CCDC180: variants seen among roughly 807,000 people sequenced by gnomAD.
CCDC180 encodes the protein coiled-coil domain containing 180.
A neutral mutation model predicts 209.2 loss-of-function variants in CCDC180; 154 were observed. The observed-to-expected ratio is 0.74, with a 90% confidence interval of 0.65 to 0.84. CCDC180 has a LOEUF of 0.84. Ranked by LOEUF, CCDC180 falls within the 40% of genes least tolerant of loss-of-function variation. CCDC180 has a pLI of 0.00. For missense variants in CCDC180, 1,874 were observed against 1,997.3 expected (o/e 0.94, Z 1.18); for synonymous variants, 778 against 749.1 (o/e 1.04, Z -0.63).
chr9:97,357,737 A>T lies in CCDC180; in HGVS notation c.3363+12A>T. The T allele has an allele frequency of 6.5e-7, 1 of 1,550,282 alleles. No homozygotes were observed. Among genetic ancestry groups the T allele is most frequent in the South Asian group, 1.2e-5 (1 of 86,854 alleles). ...GGGGAGAGAAAACCGTAAGTGTTCA[A>T]TAGATTCTGCATGTGAATAATAAAG... On this transcript the variant is annotated intron_variant, in intron 25 of 36. Transcript: ENST00000529487.
chr9:97,361,998 G>A (rs112943251), intron 27 of CCDC180, 100 bp downstream of exon 27: 18 of 1,421,968 alleles, frequency 1.3e-5, no homozygotes, highest in African/African-American at 2.9e-5. Flanking sequence ...GGGTTCCCAC[G>A]TGAGTCCACC....
chr9:97,371,317 T>C (rs1477656802), intron 33 of CCDC180: 1 of 275,992 alleles, frequency 3.6e-6, no homozygotes, highest in Admixed American at 4.8e-5. Flanking sequence ...TTACTGACGA[T>C]AACTTTTATT....
Position 97,316,983 on chromosome 9 carries a change from C to CA in CCDC180, c.796-81dup, listed in dbSNP as rs1833193855. 4 of 1,368,418 alleles carry CA rather than the reference C, an allele frequency of 2.9e-6. No homozygotes were observed. The South Asian group carries it at 5.9e-5, about 20-fold the overall frequency. 84.8% of individuals were successfully genotyped at this position (1,368,418 alleles called of 1,614,324 possible). On this transcript the variant is annotated intron_variant, in intron 8 of 36. Coordinates refer to ENST00000529487, the MANE Select transcript of CCDC180 (RefSeq NM_020893.6). The stretch of plus-strand genomic sequence containing the variant: ...CCTGCACCTCCCCTCTCCAGCCTCC[C>CA]ACTGCTCCTCTCTAACTGAGCCTTG...
chr9:97,318,669 C>T (rs1481118798), intron 10 of CCDC180, 87 bp downstream of exon 10: 17 of 1,543,084 alleles, frequency 1.1e-5, no homozygotes, highest in Non-Finnish European at 1.4e-5. Flanking sequence ...TCCCCCAAGG[C>T]ATCCTTCAGA....
At position 97,350,571 on chromosome 9, in the gene CCDC180, C is replaced by A. The variant is rs753620768; in HGVS notation, c.3002+16C>A. ...AACACTGCAGGTGGGAGCCAGTGTC[C>A]AGGGCCTCTTCAGGCCACCTGAGTT... On this transcript the variant is annotated intron_variant, in intron 22 of 36. Transcript: ENST00000529487. 2 of 1,535,814 alleles carry A rather than the reference C, an allele frequency of 1.3e-6. No homozygotes were observed. The highest frequency in any genetic ancestry group is 3.9e-5 in the Admixed American group (2 of 50,966).
At chr9:97,350,221 C>T (rs1173693256) in intron 21 of CCDC180, among the ~76,000 whole-genome samples, 188 bp from the exon 22 acceptor site, 1 of 151,660 alleles carries the variant, frequency 6.6e-6, no homozygotes, top group Non-Finnish European at 1.5e-5. Flanking sequence ...TCACCTATCA[C>T]CACCTGCCCC....
At position 97,357,839 on chromosome 9, in the gene CCDC180, G is replaced by C. The variant is rs1380566946; in HGVS notation, c.3363+114G>C. 3.8e-6 allele frequency: 3 copies of C among 794,924 alleles called. No individual in the cohort carries two copies. In the African/African-American group the frequency reaches 5.3e-5, roughly 14 times the overall value. The allele number at this position is 794,924 out of a possible 1,614,324, so 49.2% of individuals were successfully genotyped here. A position where few individuals can be genotyped will look rare whatever the true frequency, so the allele number is the denominator to read the frequency against. Reference sequence around the variant, plus strand: ...GATTTCTCCAGCACAAGGTTGGCGGGGTGGGGGGACATCTCTGAGCCTTCC... The same window carrying C: ...GATTTCTCCAGCACAAGGTTGGCGGCGTGGGGGGACATCTCTGAGCCTTCC... On this transcript the variant is annotated intron_variant, in intron 25 of 36. Coordinates refer to ENST00000529487, the MANE Select transcript of CCDC180 (RefSeq NM_020893.6).
At chr9:97,370,829 G>T (rs377580641) in intron 33 of CCDC180, 51 bp downstream of exon 33, 9 of 1,591,320 alleles carry the variant, frequency 5.7e-6, no homozygotes, top group African/African-American at 5.4e-5. Context: ...AATATAGCCC[G>T]ATGGACAGCC....
intron 18 of CCDC180, among the ~76,000 whole-genome samples, chr9:97,341,918 G>A (rs551452096): frequency 5.9e-5 from 9 of 152,264 alleles, no homozygotes; most frequent in East Asian, 3.9e-4. Context: ...CAGGCTTGCC[G>A]CCTCACAGTT....
chr9:97,316,894 C>T (rs996946335), intron 8 of CCDC180, among the ~76,000 whole-genome samples, 171 bp from the exon 9 acceptor site: 1 of 152,146 alleles, frequency 6.6e-6, no homozygotes, highest in Non-Finnish European at 1.5e-5. Flanking sequence ...CAGGAAGCTT[C>T]ATCGAGTGCC....
Position 97,375,479 on chromosome 9 carries a change from G to A in CCDC180, c.4732G>A (p.Glu1578Lys), listed in dbSNP as rs147950391. 803 of 1,614,128 alleles carry A rather than the reference G, an allele frequency of 5.0e-4. 3 individuals are homozygous for A. In the African/African-American group the frequency reaches 9.6e-3, roughly 19 times the overall value. ...GAAGTGGCCAGGGATCAAACCCACC[G>A]AAGTCACCATCCAAAACAAGATTCT... is the stretch of plus-strand genomic sequence containing the variant. The part of the protein sequence containing the change: ...SRKWPGIKPT[E>K]VTIQNKILLQ... Residue 1578 changes from glutamate to lysine, a missense_variant, in exon 36 of 37, where the codon GAA becomes AAA. Physicochemically the swap from Glu to Lys is moderately conservative, Grantham distance 56 (BLOSUM62 1). Transcript: ENST00000529487.
At chr9:97,327,825 G>A (rs1256070625) in intron 15 of CCDC180, among the ~76,000 whole-genome samples, 195 bp from the exon 16 acceptor site, 2 of 152,106 alleles carry the variant, frequency 1.3e-5, no homozygotes, top group Non-Finnish European at 2.9e-5. Flanking sequence ...TCTTGTGTGT[G>A]TTTTCCAAAC....
rs1298638861 is a variant in CCDC180 at position 97,320,180 on chromosome 9, C to T, written c.1134C>T (p.Ser378=). Residue 378 remains serine, a synonymous_variant, in exon 11 of 37, where the codon TCC becomes TCT. Coordinates refer to ENST00000529487, the MANE Select transcript of CCDC180 (RefSeq NM_020893.6). Reference sequence around the variant, plus strand: ...CTCAGCTGACTGAGTGGCATTCTTCCCTCAACTCCCTGAACAAGGAGCTAG... The same window carrying T: ...CTCAGCTGACTGAGTGGCATTCTTCTCTCAACTCCCTGAACAAGGAGCTAG... ...SKTQLTEWHS[S]LNSLNKELDT... The T allele has an allele frequency of 1.2e-6, 2 of 1,614,136 alleles. No homozygotes were observed. The highest frequency in any genetic ancestry group is 1.1e-5 in the South Asian group (1 of 91,068).
Position 97,370,838 on chromosome 9 carries a change from C to G in CCDC180, c.4488+60C>G, listed in dbSNP as rs1233864307. 44 of 1,565,200 alleles carry G rather than the reference C, an allele frequency of 2.8e-5. 1 individual carries two copies. The highest frequency in any genetic ancestry group is 1.7e-4 in the Admixed American group (10 of 57,282). The stretch of plus-strand genomic sequence containing the variant: ...GCTCCAAATATAGCCCGATGGACAG[C>G]CACTGACAGTGCCAGGTGCAGCCCT... On this transcript the variant is annotated intron_variant, in intron 33 of 36. Coordinates refer to ENST00000529487, the MANE Select transcript of CCDC180 (RefSeq NM_020893.6).
intron 14 of CCDC180, among the ~76,000 whole-genome samples, chr9:97,325,427 A>G (rs777336190): frequency 3.3e-5 from 5 of 152,182 alleles, no homozygotes; most frequent in Non-Finnish European, 7.3e-5. Context: ...CGATTAAAGG[A>G]TGGTATCACG....
intron 36 of CCDC180, chr9:97,375,912 G>T: frequency 3.1e-6 from 1 of 321,234 alleles, no homozygotes; most frequent in South Asian, 5.9e-5. Context: ...CGGAAGCAAT[G>T]GTAGCCGTAG....
chr9:97,324,344 A>C (rs903604745), intron 13 of CCDC180, among the ~76,000 whole-genome samples: 1 of 152,258 alleles, frequency 6.6e-6, no homozygotes, highest in Non-Finnish European at 1.5e-5. Context: ...GCCCTAGGCC[A>C]TGCAGAAACA....
At chr9:97,375,229 C>T (rs1034975678) in intron 35 of CCDC180, among the ~76,000 whole-genome samples, 1 of 152,208 alleles carries the variant, frequency 6.6e-6, no homozygotes, top group Non-Finnish European at 1.5e-5. Context: ...CCCCTTCCCC[C>T]CCCAGAACCC....
intron 19 of CCDC180, among the ~76,000 whole-genome samples, chr9:97,344,236 A>G (rs191786251): frequency 1.4e-3 from 211 of 152,234 alleles, no homozygotes; most frequent in African/African-American, 4.3e-3. Flanking sequence ...TGCCTCTACA[A>G]TGTCATAGGA....
Sources: gnomAD v4.1 joint callset for allele counts (sites outside exome capture counted in the v4.1 genomes callset) on GRCh38, gnomAD v4.1.1 for gene constraint, MANE v1.5 for transcripts, NCBI Gene and HGNC (gene_info 2026-07-23, HGNC 2026-07-21) for gene names.